CCDC73: variants seen among roughly 807,000 people sequenced by gnomAD.
The protein encoded by CCDC73 is coiled-coil domain containing 73.
CCDC73 carries 95 observed loss-of-function variants against 116.5 expected under a neutral mutation model. The ratio of observed to expected loss-of-function variants is 0.82; its 90% CI spans 0.69 to 0.97. CCDC73 has a LOEUF of 0.97. Ranked by LOEUF, CCDC73 falls within the 50% of genes least tolerant of loss-of-function variation. CCDC73 has a pLI of 0.00. For synonymous variants in CCDC73, 398 were observed against 401.3 expected (o/e 0.99, Z 0.10); for missense variants, 1,066 against 1,206.8 (o/e 0.88, Z 1.73).
At chr11:32,666,869 CT>C (rs1169775769) in intron 9 of CCDC73, among the ~76,000 whole-genome samples, 8 of 151,716 alleles carry the variant, frequency 5.3e-5, no homozygotes, top group Non-Finnish European at 1.2e-4. Flanking sequence ...GTTAGTCTTC[CT>C]TCTAACAGTC....
At chr11:32,752,803 T>C (rs1480066998) in intron 2 of CCDC73, among the ~76,000 whole-genome samples, 1 of 152,238 alleles carries the variant, frequency 6.6e-6, no homozygotes, top group African/African-American at 2.4e-5. Context: ...ATATTTTCTC[T>C]GCATCACTTT....
intron 1 of CCDC73, among the ~76,000 whole-genome samples, chr11:32,776,925 T>TAAAAAA (rs747492382): frequency 8.7e-5 from 11 of 127,008 alleles, no homozygotes; most frequent in African/African-American, 3.4e-4. Context: ...AGAGTATGGT[T>TAAAAAA]AAAAAAAAAA....
At chr11:32,683,062 T>C (rs1799248109) in intron 7 of CCDC73, 1 of 156,004 alleles carries the variant, frequency 6.4e-6, no homozygotes. Flanking sequence ...ATTTGGGAAC[T>C]GTGTAAAATT....
At chr11:32,704,001 G>T (rs1053305248) in intron 3 of CCDC73, among the ~76,000 whole-genome samples, 1 of 152,214 alleles carries the variant, frequency 6.6e-6, no homozygotes, top group African/African-American at 2.4e-5. Flanking sequence ...TTATTGATGA[G>T]AACAGTGGCC....
At chr11:32,745,472 C>G (rs1053523749) in intron 2 of CCDC73, among the ~76,000 whole-genome samples, 12 of 151,232 alleles carry the variant, frequency 7.9e-5, no homozygotes, top group Non-Finnish European at 1.6e-4. Context: ...TAATTTTTTG[C>G]CTCGTTGATC....
intron 14 of CCDC73, among the ~76,000 whole-genome samples, chr11:32,619,795 G>A (rs1473273640): frequency 6.7e-6 from 1 of 148,832 alleles, no homozygotes; most frequent in Admixed American, 6.8e-5. Flanking sequence ...GAAGAAGCAG[G>A]AGGAAAAGGA....
At chr11:32,798,885 G>T (rs1369822427), upstream of CCDC73, among the ~76,000 whole-genome samples, 2 of 142,608 alleles carry the variant, frequency 1.4e-5, no homozygotes, top group Non-Finnish European at 1.5e-5. Context: ...TTTTTGTTTG[G>T]TTTTTGCGTT....
intron 6 of CCDC73, among the ~76,000 whole-genome samples, chr11:32,690,423 C>A (rs1413169556): frequency 6.6e-6 from 1 of 152,156 alleles, no homozygotes; most frequent in Non-Finnish European, 1.5e-5. Context: ...ACATCCCCCA[C>A]CAGAGGGGTA....
intron 1 of CCDC73, among the ~76,000 whole-genome samples, chr11:32,777,194 C>A (rs1391428188): frequency 2.0e-5 from 3 of 150,234 alleles, no homozygotes; most frequent in Non-Finnish European, 3.0e-5. Flanking sequence ...CAACCTCCAC[C>A]TCCTGTGTTC....
intron 3 of CCDC73, among the ~76,000 whole-genome samples, chr11:32,706,003 ATATCAGCTG>A: frequency 8.0e-6 from 1 of 125,134 alleles, no homozygotes. Flanking sequence ...ACCCAGATCT[ATATCAGCTG>A]AAAAAAAAAA....
In CCDC73 at chr11:32,614,005, A is replaced by T; in HGVS notation, c.2313T>A (p.Asn771Lys). Residue 771 changes from asparagine to lysine, a missense_variant, in exon 16 of 18, where the codon AAT (asparagine) becomes AAA (lysine). Transcript: ENST00000335185. ...TAAGATGAAGATGGGAAATGTTCAC[A>T]TTAGTGTTTTCTAAGTATCCCAAAC... The part of the protein sequence containing the change: ...NNCLGYLENT[N>K]VNISHLHLNN... The T allele has an allele frequency of 6.2e-7, 1 of 1,611,350 alleles. No individual in the cohort carries two copies. Among genetic ancestry groups the T allele is most frequent in the Non-Finnish European group, 8.5e-7 (1 of 1,179,630 alleles).
At position 32,614,513 on chromosome 11, in the gene CCDC73, T is replaced by G. The variant is rs780868326; in HGVS notation, c.1805A>C (p.Lys602Thr). 4 of 1,613,322 alleles carry G rather than the reference T, an allele frequency of 2.5e-6. No individual in the cohort carries two copies. The Admixed American group carries it at 6.7e-5, about 27-fold the overall frequency. ...AGTCCCTGGAAGCAATCTGAATTGT[T>G]TGAATGGCTCATTTTCAGAAACATC... ...NKDVSENEPF[K>T]QFRLLPGTRE... The change falls in exon 16 of 18, where the codon AAA (lysine) becomes ACA (threonine). Residue 602 changes from lysine to threonine, a missense_variant. Transcript: ENST00000335185.
intron 14 of CCDC73, among the ~76,000 whole-genome samples, chr11:32,627,350 G>A (rs971235037): frequency 6.6e-6 from 1 of 152,182 alleles, no homozygotes; most frequent in African/African-American, 2.4e-5. Flanking sequence ...GGAGAAATAG[G>A]AACACTTTTA....
chr11:32,611,608 G>A (rs575759662), intron 16 of CCDC73, among the ~76,000 whole-genome samples: 38 of 152,194 alleles, frequency 2.5e-4, no homozygotes, highest in Non-Finnish European at 3.2e-4. Flanking sequence ...GTAAGCATTT[G>A]TATAGTGAAT....
chr11:32,674,536 T>C (rs1308064646), intron 9 of CCDC73, among the ~76,000 whole-genome samples: 4 of 152,180 alleles, frequency 2.6e-5, no homozygotes, highest in Non-Finnish European at 5.9e-5. Context: ...TGTCTAGAGG[T>C]AGGACAAGAA....
intron 4 of CCDC73, 51 bp downstream of exon 4, chr11:32,702,822 A>G: frequency 8.4e-7 from 1 of 1,190,780 alleles, no homozygotes; most frequent in Non-Finnish European, 1.3e-6. Flanking sequence ...TAGGAGGGGG[A>G]GGAAATGCAA....
intron 2 of CCDC73, among the ~76,000 whole-genome samples, chr11:32,752,064 T>C (rs1850291496): frequency 6.6e-6 from 1 of 152,202 alleles, no homozygotes; most frequent in Non-Finnish European, 1.5e-5. Flanking sequence ...CTTCTCATAA[T>C]TAAATAATCT....
At chr11:32,825,936 C>A in the CCDC73 span, among the ~76,000 whole-genome samples, 1 of 152,160 alleles carries the variant, frequency 6.6e-6, no homozygotes, top group Non-Finnish European at 1.5e-5. Context: ...CTCCGGTGCG[C>A]TCTAAGAGCT....
At chr11:32,641,444 C>T (rs1192738168) in intron 13 of CCDC73, among the ~76,000 whole-genome samples, 1 of 151,878 alleles carries the variant, frequency 6.6e-6, no homozygotes, top group Admixed American at 6.6e-5. Flanking sequence ...TTTAAGGAAA[C>T]AGCCATGTTT....
Sources: gnomAD v4.1 joint callset for allele counts (sites outside exome capture counted in the v4.1 genomes callset) on GRCh38, gnomAD v4.1.1 for gene constraint, MANE v1.5 for transcripts, NCBI Gene and HGNC (gene_info 2026-07-23, HGNC 2026-07-21) for gene names.